The following PRR16 variants were observed in gnomAD, a reference collection of about 807,000 sequenced individuals.
PRR16 encodes the protein proline rich 16.
In PRR16, 6 loss-of-function variants were observed where a neutral mutation model predicts 18.2. That is an observed-to-expected ratio of 0.33 (90% CI 0.18 to 0.65). The LOEUF (loss-of-function observed/expected upper bound fraction) is 0.65. PRR16 is among the 30% of genes least tolerant of loss of function. The pLI is 0.74. For missense variants in PRR16, 412 were observed against 376.6 expected (o/e 1.09, Z -0.78); for synonymous variants, 151 against 147.8 (o/e 1.02, Z -0.16).
At position 120,474,597 on chromosome 5, in the gene PRR16, T is replaced by A. The variant is rs765719313; in HGVS notation, c.159+9952T>A. On this transcript the variant is annotated intron_variant, in intron 1 of 1. Transcript: ENST00000407149. ...TGTCTTGTATTTGCTATCTTTTTTT[T>A]AAAAAAAAAACCCATTATCTGTATT... Among the ~76,000 whole-genome samples, 551 of 138,340 alleles carry A rather than the reference T, an allele frequency of 4.0e-3. 1 individual carries two copies. The highest frequency in any genetic ancestry group is 5.5e-3 in the Non-Finnish European group (344 of 62,494). 90.8% of individuals were successfully genotyped at this position (138,340 alleles called of 152,430 possible). A position where few individuals can be genotyped will look rare whatever the true frequency, so the allele number is the denominator to read the frequency against.
At chr5:120,511,672 T>C (rs1384095245) in intron 1 of PRR16, among the ~76,000 whole-genome samples, 1 of 152,230 alleles carries the variant, frequency 6.6e-6, no homozygotes, top group East Asian at 1.9e-4. Context: ...TGTATTTATT[T>C]TGAGAGTTCT....
intron 1 of PRR16, among the ~76,000 whole-genome samples, chr5:120,487,648 C>T (rs1269303716): frequency 1.3e-5 from 2 of 152,080 alleles, no homozygotes; most frequent in African/African-American, 2.4e-5. Context: ...TTTCCTTCTC[C>T]TGCCTCATTG....
intron 1 of PRR16, among the ~76,000 whole-genome samples, chr5:120,562,427 C>T (rs1265697757): frequency 6.6e-6 from 1 of 151,998 alleles, no homozygotes; most frequent in East Asian, 1.9e-4. Flanking sequence ...TTTTTATATA[C>T]ATACAGTCAC....
intron 1 of PRR16, among the ~76,000 whole-genome samples, chr5:120,607,293 C>G (rs927737801): frequency 6.6e-6 from 1 of 151,996 alleles, no homozygotes; most frequent in Non-Finnish European, 1.5e-5. Context: ...GTGAAGAGAT[C>G]TTAGTGTTTG....
At chr5:120,533,849 T>A (rs1419148026) in intron 1 of PRR16, among the ~76,000 whole-genome samples, 1 of 152,216 alleles carries the variant, frequency 6.6e-6, no homozygotes, top group Non-Finnish European at 1.5e-5. Context: ...ATTCCATTTT[T>A]AAAGATCATT....
intron 1 of PRR16, among the ~76,000 whole-genome samples, chr5:120,664,684 G>T (rs556225669): frequency 6.6e-6 from 1 of 151,770 alleles, no homozygotes; most frequent in Non-Finnish European, 1.5e-5. Context: ...TTCAATTCAC[G>T]TCTATGAGTG....
chr5:120,686,144 T>C lies in PRR16; in HGVS notation c.350T>C (p.Leu117Pro), dbSNP rs151329821. Residue 117 changes from leucine to proline, a missense_variant, in exon 2 of 2, where the codon CTG becomes CCG. Coordinates refer to ENST00000407149, the MANE Select transcript of PRR16 (RefSeq NM_001300783.2). ...PAHPSAILTV[L>P]RKPNPPPPPP... is the part of the protein sequence containing the mutation. ...CACCCGTCTGCTATCCTCACGGTCCTGAGAAAGCCAAACCCTCCACCACCT... is the reference window on the plus strand; with the variant it reads ...CACCCGTCTGCTATCCTCACGGTCCCGAGAAAGCCAAACCCTCCACCACCT... 278 of 1,614,022 alleles carry C rather than the reference T, an allele frequency of 1.7e-4. No homozygotes were observed. The highest frequency in any genetic ancestry group is 2.2e-4 in the Non-Finnish European group (259 of 1,180,016).
chr5:120,495,829 T>C (rs1750226085), intron 1 of PRR16, among the ~76,000 whole-genome samples: 1 of 152,188 alleles, frequency 6.6e-6, no homozygotes, highest in East Asian at 1.9e-4. Flanking sequence ...TTCCCTTGAA[T>C]AGAATATGTT....
intron 1 of PRR16, among the ~76,000 whole-genome samples, chr5:120,486,864 T>G (rs1043190830): frequency 6.6e-6 from 1 of 152,246 alleles, no homozygotes; most frequent in East Asian, 1.9e-4. Context: ...TTTCTACATA[T>G]GGCTAGCCAG....
chr5:120,626,910 T>C (rs1754886240), intron 1 of PRR16, among the ~76,000 whole-genome samples: 1 of 152,152 alleles, frequency 6.6e-6, no homozygotes, highest in Non-Finnish European at 1.5e-5. Context: ...ACTTTGGAAA[T>C]AAATTAGATT....
At chr5:120,723,375 ATCAGTAATT>A in the PRR16 span, among the ~76,000 whole-genome samples, 4 of 151,964 alleles carry the variant, frequency 2.6e-5, no homozygotes, top group African/African-American at 9.7e-5. Flanking sequence ...TATGCATCTT[ATCAGTAATT>A]TCAGCACGGA....
intron 1 of PRR16, among the ~76,000 whole-genome samples, chr5:120,620,186 G>A (rs1754642019): frequency 6.6e-6 from 1 of 152,164 alleles, no homozygotes; most frequent in Non-Finnish European, 1.5e-5. Context: ...TTGCAAGATT[G>A]TGGAATTCCA....
the PRR16 span, among the ~76,000 whole-genome samples, chr5:120,747,448 T>C: frequency 6.6e-6 from 1 of 152,222 alleles, no homozygotes; most frequent in African/African-American, 2.4e-5. Flanking sequence ...TTGCATCTGA[T>C]GTAGAAAGCT....
downstream of PRR16, chr5:120,687,438 GAAATATCAT>G (rs1301662141): frequency 1.3e-5 from 2 of 152,248 alleles, no homozygotes; most frequent in Non-Finnish European, 2.9e-5. Flanking sequence ...TTTTCTAAAT[GAAATATCAT>G]ATTCCACATC....
the PRR16 span, among the ~76,000 whole-genome samples, chr5:120,732,101 A>C: frequency 6.6e-6 from 1 of 152,212 alleles, no homozygotes; most frequent in Non-Finnish European, 1.5e-5. Flanking sequence ...TTGGATGGCC[A>C]ATCATCATTT....
At chr5:120,688,449 T>C (rs1757172793), downstream of PRR16, among the ~76,000 whole-genome samples, 1 of 152,204 alleles carries the variant, frequency 6.6e-6, no homozygotes, top group Admixed American at 6.6e-5. Context: ...ATTATTAATA[T>C]GTTTAATAGA....
chr5:120,535,908 G>A (rs1436284498), intron 1 of PRR16, among the ~76,000 whole-genome samples: 2 of 152,172 alleles, frequency 1.3e-5, no homozygotes, highest in African/African-American at 4.8e-5. Flanking sequence ...TTCAAGACCA[G>A]CCTGGGCAAT....
Position 120,573,404 on chromosome 5 carries a change from C to G in PRR16, c.159+108759C>G, listed in dbSNP as rs539005799. Among the ~76,000 whole-genome samples the G allele has an allele frequency of 2.6e-5, 4 of 152,254 alleles. No individual in the cohort carries two copies. The South Asian group carries it at 8.3e-4, about 32-fold the overall frequency. ...GAACTTAAAAGCCTTTGGACTTGTA[C>G]TTCTCAACTGGCCATAGTTCACACC... is the stretch of plus-strand genomic sequence containing the variant. On this transcript the variant is annotated intron_variant, in intron 1 of 1. Transcript: ENST00000407149.
chr5:120,754,623 T>TCA, the PRR16 span, among the ~76,000 whole-genome samples: 2 of 61,088 alleles, frequency 3.3e-5, no homozygotes, highest in Non-Finnish European at 5.7e-5. Flanking sequence ...TATTATATAT[T>TCA]TATATATAAT....
Sources: allele counts gnomAD v4.1 joint callset (sites outside exome capture counted in the v4.1 genomes callset), GRCh38; gene constraint gnomAD v4.1.1; transcripts MANE v1.5; gene names NCBI Gene and HGNC (gene_info 2026-07-23, HGNC 2026-07-21).